Variants in SCMH1 observed in about 807,000 individuals in gnomAD.
SCMH1 encodes polycomb protein SCMH1.
SCMH1 carries 37 observed loss-of-function variants against 70.8 expected under a neutral mutation model. The observed-to-expected ratio is 0.52, with a 90% CI of 0.40 to 0.69. The LOEUF is 0.69. SCMH1 is among the 30% of genes least tolerant of loss of function. The pLI is 0.00. For missense variants in SCMH1, 607 were observed against 827.3 expected (o/e 0.73, Z 3.27); for synonymous variants, 292 against 307.4 (o/e 0.95, Z 0.52).
At chr1:41,199,253 G>C (rs1031133200) in intron 1 of SCMH1, among the ~76,000 whole-genome samples, 1 of 152,212 alleles carries the variant, frequency 6.6e-6, no homozygotes, top group Non-Finnish European at 1.5e-5. Flanking sequence ...AACCAAGAAA[G>C]AGCACATTAC....
intron 2 of SCMH1, among the ~76,000 whole-genome samples, chr1:41,168,664 T>C (rs1158238161): frequency 6.7e-6 from 1 of 148,642 alleles, no homozygotes; most frequent in Non-Finnish European, 1.5e-5. Context: ...GAATAGATTC[T>C]CTGTTCTTTG....
intron 8 of SCMH1, among the ~76,000 whole-genome samples, chr1:41,104,968 T>G (rs1378135574): frequency 6.6e-6 from 1 of 152,112 alleles, no homozygotes; most frequent in African/African-American, 2.4e-5. Context: ...CCTTTTTTTT[T>G]TTTTGAGATG....
chr1:41,156,117 C>T (rs1175478755), intron 4 of SCMH1, among the ~76,000 whole-genome samples: 13 of 151,952 alleles, frequency 8.6e-5, no homozygotes, highest in Admixed American at 8.5e-4. Flanking sequence ...ACAGACCGCT[C>T]TTTATAGTCA....
At chr1:41,171,995 C>T (rs1219625941) in intron 2 of SCMH1, among the ~76,000 whole-genome samples, 1 of 151,936 alleles carries the variant, frequency 6.6e-6, no homozygotes, top group African/African-American at 2.4e-5. Context: ...ACTTCAAGAC[C>T]AACCTGGGCA....
intron 4 of SCMH1, among the ~76,000 whole-genome samples, chr1:41,153,543 C>G (rs545380832): frequency 6.6e-6 from 1 of 152,260 alleles, no homozygotes; most frequent in East Asian, 1.9e-4. Context: ...CTCCATTATA[C>G]ATATCAACCA....
intron 8 of SCMH1, among the ~76,000 whole-genome samples, chr1:41,093,517 T>C (rs1441666989): frequency 6.6e-6 from 1 of 152,146 alleles, no homozygotes; most frequent in East Asian, 1.9e-4. Context: ...ACTTAAAGTA[T>C]AATAATAATA....
intron 8 of SCMH1, among the ~76,000 whole-genome samples, chr1:41,088,855 G>C (rs1162747800): frequency 1.3e-5 from 2 of 152,166 alleles, no homozygotes; most frequent in African/African-American, 4.8e-5. Context: ...CGGAAACTAA[G>C]ATTCATACTG....
intron 5 of SCMH1, among the ~76,000 whole-genome samples, chr1:41,150,816 A>C (rs1248576675): frequency 1.3e-5 from 2 of 151,326 alleles, no homozygotes. Context: ...AGGTGCCTGT[A>C]GTCCCAGCTA....
chr1:41,226,992 G>C (rs1660393261), intron 1 of SCMH1, among the ~76,000 whole-genome samples: 1 of 152,292 alleles, frequency 6.6e-6, no homozygotes, highest in South Asian at 2.1e-4. Flanking sequence ...ACAGAAGAAA[G>C]GGTGGTGCAT....
chr1:41,033,024 G>A (rs546217857), intron 13 of SCMH1, among the ~76,000 whole-genome samples: 4 of 151,650 alleles, frequency 2.6e-5, no homozygotes, highest in African/African-American at 9.7e-5. Flanking sequence ...AGGCACAGTG[G>A]CTCATGCCTA....
intron 8 of SCMH1, among the ~76,000 whole-genome samples, chr1:41,095,828 A>G (rs1443854274): frequency 6.6e-6 from 1 of 152,214 alleles, no homozygotes; most frequent in Non-Finnish European, 1.5e-5. Context: ...CATTATTAAA[A>G]AAGAAAATTT....
intron 2 of SCMH1, among the ~76,000 whole-genome samples, chr1:41,183,437 C>T (rs1649355921): frequency 6.6e-6 from 1 of 152,180 alleles, no homozygotes; most frequent in South Asian, 2.1e-4. Flanking sequence ...AACTCATACT[C>T]TTTCATACCT....
intron 2 of SCMH1, among the ~76,000 whole-genome samples, chr1:41,185,004 C>T (rs1007008915): frequency 6.6e-6 from 1 of 152,264 alleles, no homozygotes; most frequent in South Asian, 2.1e-4. Context: ...TCTCACATAT[C>T]TAGGTCAATA....
At chr1:41,234,919 G>A (rs1662054760) in intron 1 of SCMH1, among the ~76,000 whole-genome samples, 1 of 151,986 alleles carries the variant, frequency 6.6e-6, no homozygotes. Context: ...ATAGTACTTT[G>A]AATATGTTTC....
chr1:41,188,130 G>A (rs1359380312), intron 1 of SCMH1, among the ~76,000 whole-genome samples: 1 of 152,194 alleles, frequency 6.6e-6, no homozygotes, highest in African/African-American at 2.4e-5. Context: ...TCCTCAAAAT[G>A]CATGTTCAGA....
intron 10 of SCMH1, among the ~76,000 whole-genome samples, chr1:41,054,843 G>A (rs1325764715): frequency 1.3e-5 from 2 of 152,014 alleles, no homozygotes; most frequent in Non-Finnish European, 2.9e-5. Context: ...GCAGTGGCAT[G>A]CATGATCATA....
intron 1 of SCMH1, among the ~76,000 whole-genome samples, chr1:41,197,505 T>A (rs1341514621): frequency 6.6e-6 from 1 of 152,058 alleles, no homozygotes; most frequent in Non-Finnish European, 1.5e-5. Flanking sequence ...TTTATAGAGA[T>A]GGAAAGTTAA....
intron 8 of SCMH1, among the ~76,000 whole-genome samples, chr1:41,075,664 G>C (rs1232860757): frequency 1.3e-5 from 2 of 152,118 alleles, no homozygotes; most frequent in African/African-American, 4.8e-5. Context: ...GGCAGATGCA[G>C]AAAAAATATT....
At chr1:41,044,833 G>A (rs752959854) in intron 12 of SCMH1, among the ~76,000 whole-genome samples, 13 of 152,206 alleles carry the variant, frequency 8.5e-5, no homozygotes, top group East Asian at 1.9e-4. Context: ...GTCATGCCCC[G>A]GTCCCAAACC....
Sources: gnomAD v4.1 joint callset for allele counts (sites outside exome capture counted in the v4.1 genomes callset) on GRCh38, gnomAD v4.1.1 for gene constraint, MANE v1.5 for transcripts, NCBI Gene and HGNC (gene_info 2026-07-23, HGNC 2026-07-21) for gene names.